Variants in FRMD4A observed in about 807,000 individuals in gnomAD.
FRMD4A encodes FERM domain-containing protein 4A.
A neutral mutation model predicts 129.1 loss-of-function variants in FRMD4A; 29 were observed. That is an observed-to-expected ratio of 0.22 (90% confidence interval 0.17 to 0.31). The LOEUF is 0.31. FRMD4A is among the 10% of genes least tolerant of loss of function. The probability of loss-of-function intolerance (pLI) is 1.00; values close to 1 mark genes in which losing one functional copy is unlikely to be tolerated. For synonymous variants in FRMD4A, 634 were observed against 571.6 expected (o/e 1.11, Z -1.56); for missense variants, 1,272 against 1,375.8 (o/e 0.92, Z 1.19).
intron 2 of FRMD4A, among the ~76,000 whole-genome samples, chr10:14,101,726 T>C (rs1837312444): frequency 6.8e-6 from 1 of 146,416 alleles, no homozygotes; most frequent in South Asian, 2.3e-4. Context: ...GCCTGGCTTC[T>C]AACACAACAC....
intron 2 of FRMD4A, among the ~76,000 whole-genome samples, chr10:13,937,674 G>A (rs959805020): frequency 6.6e-6 from 1 of 151,980 alleles, no homozygotes; most frequent in Non-Finnish European, 1.5e-5. Context: ...TTATGATGAA[G>A]ATTAATAAAA....
At chr10:14,208,627 C>A (rs12262078) in intron 2 of FRMD4A, among the ~76,000 whole-genome samples, 1,635 of 152,138 alleles carry the variant, frequency 0.011, 28 homozygotes, top group African/African-American at 0.038. Flanking sequence ...TCCTGGTAGG[C>A]CACTCACCCC....
chr10:14,140,465 A>T (rs1368353323), intron 2 of FRMD4A, among the ~76,000 whole-genome samples: 2 of 152,172 alleles, frequency 1.3e-5, no homozygotes, highest in Non-Finnish European at 2.9e-5. Flanking sequence ...ACCCGTTGAG[A>T]TGGTGTTATT....
intron 2 of FRMD4A, among the ~76,000 whole-genome samples, chr10:14,315,190 G>A (rs1450193853): frequency 1.3e-5 from 2 of 151,788 alleles, no homozygotes; most frequent in African/African-American, 2.4e-5. Context: ...CTCCCCAGGT[G>A]GTTTTCATCC....
chr10:14,139,129 C>T (rs1265556923), intron 2 of FRMD4A, among the ~76,000 whole-genome samples: 3 of 152,132 alleles, frequency 2.0e-5, no homozygotes, highest in African/African-American at 7.2e-5. Flanking sequence ...ATTGTTACTA[C>T]ATAAAAATAG....
chr10:13,832,917 A>G (rs1449712663), intron 3 of FRMD4A, among the ~76,000 whole-genome samples: 1 of 152,212 alleles, frequency 6.6e-6, no homozygotes, highest in African/African-American at 2.4e-5. Context: ...GAATCGGTTG[A>G]TTCTAATGAG....
intron 2 of FRMD4A, among the ~76,000 whole-genome samples, chr10:13,959,332 C>T (rs140256968): frequency 3.3e-5 from 5 of 152,060 alleles, no homozygotes; most frequent in Non-Finnish European, 5.9e-5. Flanking sequence ...ATTAGCCAGG[C>T]GTGGTGGCGC....
At chr10:13,828,931 T>C (rs2093746799) in intron 3 of FRMD4A, among the ~76,000 whole-genome samples, 1 of 152,224 alleles carries the variant, frequency 6.6e-6, no homozygotes, top group African/African-American at 2.4e-5. Context: ...CAAGTGCAGG[T>C]ATCTTTTTGA....
intron 2 of FRMD4A, among the ~76,000 whole-genome samples, chr10:14,040,382 T>C (rs1348978370): frequency 6.6e-6 from 1 of 152,180 alleles, no homozygotes. Context: ...GGGTGGTTTC[T>C]GGAAAATGTT....
At position 13,752,896 on chromosome 10, in the gene FRMD4A, C is replaced by T. The variant is rs373056685; in HGVS notation, c.465-5077G>A. Among the ~76,000 whole-genome samples the T allele has an allele frequency of 1.9e-4, 29 of 152,302 alleles. 2 individuals are homozygous for T. The highest frequency in any genetic ancestry group is 6.3e-4 in the African/African-American group (26 of 41,570). On this transcript the variant is annotated intron_variant, in intron 8 of 24. Coordinates refer to ENST00000357447, the MANE Select transcript of FRMD4A (RefSeq NM_018027.5). ...CCTTTCTATTTGCGCCCACTTGCTG[C>T]GCATATCCATGTTTTGGGCTGGAGG...
intron 12 of FRMD4A, among the ~76,000 whole-genome samples, chr10:13,720,776 G>T (rs1487055317): frequency 6.6e-6 from 1 of 152,172 alleles, no homozygotes; most frequent in Non-Finnish European, 1.5e-5. Context: ...CTATGTGAGG[G>T]AAAAGGATGA....
At chr10:14,017,275 T>C (rs549628455) in intron 2 of FRMD4A, among the ~76,000 whole-genome samples, 1 of 150,768 alleles carries the variant, frequency 6.6e-6, no homozygotes, top group African/African-American at 2.4e-5. Flanking sequence ...AAGATCATTT[T>C]GCAAAGCCCG....
intron 2 of FRMD4A, among the ~76,000 whole-genome samples, chr10:13,876,441 T>G (rs1376955347): frequency 6.6e-6 from 1 of 152,234 alleles, no homozygotes; most frequent in African/African-American, 2.4e-5. Context: ...CATATAAATG[T>G]GTGGTCGAAC....
chr10:13,899,554 C>T (rs964383442), intron 2 of FRMD4A, among the ~76,000 whole-genome samples: 1 of 152,178 alleles, frequency 6.6e-6, no homozygotes, highest in African/African-American at 2.4e-5. Context: ...AGCACTTTTT[C>T]TGGCAGGCTG....
At chr10:14,277,530 C>G (rs538174606) in intron 2 of FRMD4A, among the ~76,000 whole-genome samples, 61 of 152,284 alleles carry the variant, frequency 4.0e-4, no homozygotes, top group African/African-American at 1.4e-3. Flanking sequence ...CTTGGACTTC[C>G]CAGCCTCGAG....
intron 2 of FRMD4A, among the ~76,000 whole-genome samples, chr10:14,223,033 G>C (rs1000987141): frequency 6.5e-4 from 99 of 152,302 alleles, no homozygotes; most frequent in African/African-American, 2.3e-3. Flanking sequence ...GTTGCAGTGC[G>C]CTGAGATTGC....
intron 2 of FRMD4A, among the ~76,000 whole-genome samples, chr10:14,061,386 G>A (rs2131702522): frequency 6.6e-6 from 1 of 152,238 alleles, no homozygotes; most frequent in African/African-American, 2.4e-5. Context: ...CGGAGGCGGA[G>A]GTTGCAATGA....
chr10:14,269,903 A>T (rs1166181441), intron 2 of FRMD4A, among the ~76,000 whole-genome samples: 8 of 152,176 alleles, frequency 5.3e-5, no homozygotes, highest in Admixed American at 5.2e-4. Flanking sequence ...TTGGCATTTG[A>T]TTAGAATGTT....
At chr10:13,913,709 G>A (rs182758588) in intron 2 of FRMD4A, among the ~76,000 whole-genome samples, 57 of 152,190 alleles carry the variant, frequency 3.7e-4, no homozygotes, top group Non-Finnish European at 6.6e-4. Flanking sequence ...ACTAGTAGAT[G>A]GGGTATCCTT....
Sources: allele counts gnomAD v4.1 joint callset (sites outside exome capture counted in the v4.1 genomes callset), GRCh38; gene constraint gnomAD v4.1.1; transcripts MANE v1.5; gene names NCBI Gene and HGNC (gene_info 2026-07-23, HGNC 2026-07-21).